The following ACTR1A variants were observed in gnomAD, a reference collection of about 807,000 sequenced individuals.
ACTR1A encodes actin related protein 1A, also known as alpha-centractin.
ACTR1A carries 10 observed loss-of-function variants against 50.7 expected under a neutral mutation model. That is an observed-to-expected ratio of 0.20 (90% CI 0.12 to 0.33). The LOEUF (loss-of-function observed/expected upper bound fraction) is 0.33, where lower values mean the gene tolerates loss of function less well. Ranked by LOEUF, ACTR1A falls within the 10% of genes least tolerant of loss-of-function variation. The probability of loss-of-function intolerance (pLI) is 1.00; values close to 1 mark genes in which losing one functional copy is unlikely to be tolerated. For synonymous variants in ACTR1A, 177 were observed against 184.2 expected (o/e 0.96, Z 0.32); for missense variants, 253 against 491.7 (o/e 0.51, Z 4.59).
At chr10:102,493,522 T>C (rs938170804) in intron 1 of ACTR1A, among the ~76,000 whole-genome samples, 2 of 152,244 alleles carry the variant, frequency 1.3e-5, no homozygotes, top group African/African-American at 4.8e-5. Flanking sequence ...TTTTTTCTTC[T>C]CTGTCCTTCC....
At chr10:102,501,490 T>C (rs1203443303) in intron 1 of ACTR1A, among the ~76,000 whole-genome samples, 1 of 152,242 alleles carries the variant, frequency 6.6e-6, no homozygotes, top group Non-Finnish European at 1.5e-5. Context: ...GATCAATCTC[T>C]GTGGGACCAA....
intron 1 of ACTR1A, among the ~76,000 whole-genome samples, chr10:102,491,775 CT>C (rs1261805908): frequency 2.6e-5 from 4 of 151,728 alleles, no homozygotes; most frequent in African/African-American, 4.8e-5. Flanking sequence ...TGTCCTCTTC[CT>C]TTTTTTTGAG....
Position 102,482,673 on chromosome 10 carries a change from G to A in ACTR1A, c.750+338C>T, listed in dbSNP as rs757925936. The stretch of plus-strand genomic sequence containing the variant: ...GGAGCTCTGCTGCTCCAGAGAGAGG[G>A]TGTAAGGCTGGGGTGTCCAGTCTTT... On this transcript the variant is annotated intron_variant, in intron 7 of 10. Transcript: ENST00000369905. This position sits in a 1 kb window ranked among gnomAD's most constrained non-coding sequence, Gnocchi z 5.6. The A allele has an allele frequency of 2.2e-5, 7 of 321,202 alleles. No homozygotes were observed. Among genetic ancestry groups the A allele is most frequent in the Non-Finnish European group, 3.5e-5 (6 of 171,496 alleles). The allele number at this position is 321,202 out of a possible 1,614,324, so 19.9% of individuals were successfully genotyped here.
intron 4 of ACTR1A, among the ~76,000 whole-genome samples, chr10:102,486,200 C>A (rs993610518): frequency 6.6e-6 from 1 of 152,136 alleles, no homozygotes; most frequent in African/African-American, 2.4e-5. Context: ...GGAGTGTGAA[C>A]CCTACTGTGA....
chr10:102,486,675 A>G (rs1010353876), intron 4 of ACTR1A, among the ~76,000 whole-genome samples: 6 of 152,134 alleles, frequency 3.9e-5, no homozygotes, highest in African/African-American at 1.2e-4. Context: ...CCTAGGCCAC[A>G]AGAGCGAAAC....
At chr10:102,489,416 GTGTA>G (rs2062182401) in intron 2 of ACTR1A, among the ~76,000 whole-genome samples, 1 of 152,080 alleles carries the variant, frequency 6.6e-6, no homozygotes, top group Non-Finnish European at 1.5e-5. Flanking sequence ...TCTTTCTGCA[GTGTA>G]TGAACAGACC....
chr10:102,500,341 G>C (rs1340600113), intron 1 of ACTR1A, among the ~76,000 whole-genome samples: 2 of 151,504 alleles, frequency 1.3e-5, no homozygotes, highest in Admixed American at 6.6e-5. Context: ...AGGCCGAGGT[G>C]GGCGGATCAC....
Position 102,482,287 on chromosome 10 carries a change from G to A in ACTR1A, c.751-112C>T. 1 of 1,037,148 alleles carries A rather than the reference G, an allele frequency of 9.6e-7. No homozygotes were observed. The highest frequency in any genetic ancestry group is 2.4e-5 in the East Asian group (1 of 41,960). 64.2% of individuals were successfully genotyped at this position (1,037,148 alleles called of 1,614,324 possible). A position where few individuals can be genotyped will look rare whatever the true frequency, so the allele number is the denominator to read the frequency against. On this transcript the variant is annotated intron_variant, in intron 7 of 10. Coordinates refer to ENST00000369905, the MANE Select transcript of ACTR1A (RefSeq NM_005736.4). The surrounding 1 kb of genome is among the most constrained non-coding windows in gnomAD (Gnocchi z 5.6). ...CACTTAGTAACTGGGTGGCTATGAAGGCCAGGCTCAAGACAGACTCTACAT... is the reference window on the plus strand; with the variant it reads ...CACTTAGTAACTGGGTGGCTATGAAAGCCAGGCTCAAGACAGACTCTACAT...
Position 102,482,292 on chromosome 10 carries a change from G to A in ACTR1A, c.751-117C>T, listed in dbSNP as rs939404560. On this transcript the variant is annotated intron_variant, in intron 7 of 10. Transcript: ENST00000369905. The surrounding 1 kb of genome is among the most constrained non-coding windows in gnomAD (Gnocchi z 5.6). ...AGTAACTGGGTGGCTATGAAGGCCA[G>A]GCTCAAGACAGACTCTACATGTCAA... is the stretch of plus-strand genomic sequence containing the variant. 23 of 952,286 alleles carry A rather than the reference G, an allele frequency of 2.4e-5. No individual in the cohort carries two copies. Among genetic ancestry groups the A allele is most frequent in the Admixed American group, 6.4e-5 (3 of 46,752 alleles). The allele number at this position is 952,286 out of a possible 1,614,324, so 59.0% of individuals were successfully genotyped here.
At chr10:102,499,040 A>C (rs1307665917) in intron 1 of ACTR1A, among the ~76,000 whole-genome samples, 2 of 152,130 alleles carry the variant, frequency 1.3e-5, no homozygotes, top group Non-Finnish European at 2.9e-5. Flanking sequence ...AAATGACTTG[A>C]TGCCAGAGTA....
chr10:102,494,431 G>A (rs1175089530), intron 1 of ACTR1A, among the ~76,000 whole-genome samples: 1 of 152,146 alleles, frequency 6.6e-6, no homozygotes, highest in Non-Finnish European at 1.5e-5. Flanking sequence ...CCGGGAGGTC[G>A]AGACCAGCCT....
intron 1 of ACTR1A, among the ~76,000 whole-genome samples, chr10:102,490,933 C>T (rs1048729201): frequency 6.6e-5 from 10 of 151,786 alleles, no homozygotes; most frequent in African/African-American, 2.2e-4. Context: ...GCAGAGGTTG[C>T]AGTGAGCCAA....
intron 5 of ACTR1A, among the ~76,000 whole-genome samples, chr10:102,485,134 T>C (rs2062160665): frequency 6.6e-6 from 1 of 152,052 alleles, no homozygotes; most frequent in African/African-American, 2.4e-5. Context: ...TTGTGGATAA[T>C]CTCTGCCGTA....
chr10:102,493,410 C>A (rs2062205167), intron 1 of ACTR1A, among the ~76,000 whole-genome samples: 1 of 152,170 alleles, frequency 6.6e-6, no homozygotes, highest in Non-Finnish European at 1.5e-5. Context: ...CCTTCAGACC[C>A]TGGATATTTT....
intron 4 of ACTR1A, among the ~76,000 whole-genome samples, chr10:102,487,247 C>T (rs1294439833): frequency 6.6e-6 from 1 of 152,136 alleles, no homozygotes; most frequent in Admixed American, 6.5e-5. Context: ...AAAACCTTGT[C>T]TCTACAAAAA....
intron 1 of ACTR1A, among the ~76,000 whole-genome samples, chr10:102,493,948 C>T (rs1470270365): frequency 6.6e-6 from 1 of 152,212 alleles, no homozygotes; most frequent in African/African-American, 2.4e-5. Context: ...CCAGACCCAG[C>T]GTGTCCTTGC....
chr10:102,498,154 T>C (rs2062231403), intron 1 of ACTR1A, among the ~76,000 whole-genome samples: 1 of 151,938 alleles, frequency 6.6e-6, no homozygotes, highest in Admixed American at 6.6e-5. Context: ...TCTGTAATGT[T>C]TTATTTCCTT....
Position 102,480,607 on chromosome 10 carries a change from C to T in ACTR1A, c.*256G>A, listed in dbSNP as rs1274416908. Reference sequence around the variant, plus strand: ...CCAGAGGCCACCTGAGGAGGGAGCACAGCCTCTGCCAGCGCTCTTCCCTGT... The same window carrying T: ...CCAGAGGCCACCTGAGGAGGGAGCATAGCCTCTGCCAGCGCTCTTCCCTGT... On this transcript the variant is annotated 3_prime_UTR_variant, in exon 11 of 11. Coordinates refer to ENST00000369905, the MANE Select transcript of ACTR1A (RefSeq NM_005736.4). 1.9e-6 allele frequency: 1 copy of T among 531,566 alleles called. No homozygotes were observed. The highest frequency in any genetic ancestry group is 3.4e-6 in the Non-Finnish European group (1 of 295,810). The allele number at this position is 531,566 out of a possible 1,614,324, so 32.9% of individuals were successfully genotyped here.
chr10:102,480,762 C>T lies in ACTR1A; in HGVS notation c.*101G>A, dbSNP rs1261263705. ...GTGCACACACACTCATATCCACACACGCACTCACACACAGGCAGTTCCTCG... is the reference window on the plus strand; with the variant it reads ...GTGCACACACACTCATATCCACACATGCACTCACACACAGGCAGTTCCTCG... On this transcript the variant is annotated 3_prime_UTR_variant, in exon 11 of 11. Transcript: ENST00000369905. 9 of 951,514 alleles carry T rather than the reference C, an allele frequency of 9.5e-6. No individual in the cohort carries two copies. The highest frequency in any genetic ancestry group is 1.6e-5 in the African/African-American group (1 of 62,306). The allele number at this position is 951,514 out of a possible 1,614,324, so 58.9% of individuals were successfully genotyped here.
Sources: allele counts gnomAD v4.1 joint callset (sites outside exome capture counted in the v4.1 genomes callset), GRCh38; gene constraint gnomAD v4.1.1; non-coding constraint Gnocchi (gnomAD v3.1); transcripts MANE v1.5; gene names NCBI Gene and HGNC (gene_info 2026-07-23, HGNC 2026-07-21).